SPG7: variants seen among roughly 807,000 people sequenced by gnomAD.
SPG7 encodes the protein mitochondrial inner membrane m-AAA protease component paraplegin.
In SPG7, 103 loss-of-function variants were observed where a neutral mutation model predicts 81.9. The observed-to-expected ratio is 1.26, with a 90% CI of 1.07 to 1.48. The LOEUF is 1.48. Ranked by LOEUF, SPG7 falls within the 40% of genes most tolerant of loss-of-function variation. The pLI is 0.00. For missense variants in SPG7, 1,241 were observed against 1,087.3 expected, an observed-to-expected ratio of 1.14 and a Z score of -1.99; for synonymous variants, 534 against 444.2, an observed-to-expected ratio of 1.20 and a Z score of -2.54.
chr16:89,532,722 A>T, intron 9 of SPG7, 86 bp downstream of exon 9: 2 of 1,517,614 alleles, frequency 1.3e-6, no homozygotes, highest in Non-Finnish European at 1.8e-6. Flanking sequence ...GTGAGCCAAG[A>T]TCGTGTCACT....
intron 13 of SPG7, chr16:89,551,393 T>C (rs1176512462): frequency 6.4e-6 from 1 of 155,042 alleles, no homozygotes; most frequent in African/African-American, 2.4e-5. Context: ...GTGTGAGTTG[T>C]AGCAAAGTTG....
intron 13 of SPG7, chr16:89,552,506 G>A (rs112132424): frequency 6.9e-5 from 14 of 201,722 alleles, no homozygotes; most frequent in Admixed American, 2.1e-4. Flanking sequence ...CCGTGTTGTC[G>A]AGTTAGCTCG....
rs746756159 is a variant in SPG7, at chr16:89,557,077, C to G, written c.2372C>G (p.Pro791Arg). Residue 791 changes from proline (P) to arginine (R), a missense_variant, in exon 17 of 17, where the codon CCG becomes CGG. By Grantham distance (103) the Pro-to-Arg change is moderately radical. Coordinates refer to ENST00000645818, the MANE Select transcript of SPG7 (RefSeq NM_003119.4). ...CAGCCTCCACTTGGAGGCGAAGAGCCGACTTGGCCCAAGTAGTTGGGAGGT... is the reference window on the plus strand; with the variant it reads ...CAGCCTCCACTTGGAGGCGAAGAGCGGACTTGGCCCAAGTAGTTGGGAGGT... ...TQQPPLGGEEPTWPK is the reference protein window; with the variant it reads ...TQQPPLGGEERTWPK 1.9e-6 allele frequency: 3 copies of G among 1,611,326 alleles called. No individual in the cohort carries two copies. The African/African-American group carries it at 4.0e-5, about 22-fold the overall frequency.
At chr16:89,531,084 T>C (rs2058335587) in intron 7 of SPG7, 1 of 545,874 alleles carries the variant, frequency 1.8e-6, no homozygotes, top group Non-Finnish European at 3.3e-6. Context: ...CAAAGCTCTG[T>C]GCTTTTTCCA....
chr16:89,540,897 G>T, intron 9 of SPG7: 1 of 985,198 alleles, frequency 1.0e-6, no homozygotes, highest in Middle Eastern at 5.2e-4. Context: ...AGTGACCCAG[G>T]TGCCATTCAG....
In SPG7 at chr16:89,550,500, C is replaced by T; in HGVS notation, c.1670C>T (p.Ala557Val). Residue 557 changes from alanine to valine, a missense_variant, in exon 13 of 17, where the codon GCC becomes GTC. Physicochemically the swap from Ala to Val is moderately conservative, Grantham distance 64. Coordinates refer to ENST00000645818, the MANE Select transcript of SPG7 (RefSeq NM_003119.4). Reference protein sequence around the residue: ...YAVERVLAGTAKKSKILSKEE... With the variant: ...YAVERVLAGTVKKSKILSKEE... The stretch of plus-strand genomic sequence containing the variant: ...TACCCCGGCATTCTTTCAGGGACTG[C>T]CAAAAAGAGCAAGATCCTGTCCAAG... The T allele has an allele frequency of 6.2e-7, 1 of 1,612,794 alleles. No individual in the cohort carries two copies. Among genetic ancestry groups the T allele is most frequent in the Non-Finnish European group, 8.5e-7 (1 of 1,179,358 alleles).
In SPG7 at chr16:89,548,023, T is replaced by C. The variant is rs2058586638; in HGVS notation, c.1573T>C (p.Cys525Arg). ...GFSGADIANI[C>R]NEAALHAARE... ...GACAGGGGCTGACATCGCCAACATC[T>C]GCAATGAGGCTGCGCTGCACGCGGC... is the stretch of plus-strand genomic sequence containing the variant. The change falls in exon 12 of 17, where the codon TGC becomes CGC. Residue 525 changes from cysteine to arginine, a missense_variant. Coordinates refer to ENST00000645818, the MANE Select transcript of SPG7 (RefSeq NM_003119.4). The C allele has an allele frequency of 1.2e-6, 2 of 1,612,832 alleles. No homozygotes were observed. Among genetic ancestry groups the C allele is most frequent in the Non-Finnish European group, 1.7e-6 (2 of 1,179,926 alleles).
At chr16:89,532,783 AATAGAAATGTAGCTTTC>A in intron 9 of SPG7, 147 bp downstream of exon 9, 1 of 978,796 alleles carries the variant, frequency 1.0e-6, no homozygotes, top group Non-Finnish European at 1.6e-6. Context: ...AAAAAAAAAA[AATAGAAATGTAGCTTTC>A]AGACCCGGCG....
intron 3 of SPG7, chr16:89,517,156 T>A (rs927436103): frequency 6.6e-6 from 1 of 152,378 alleles, no homozygotes; most frequent in Non-Finnish European, 1.5e-5. Context: ...AGGGAAGAAT[T>A]GTGTGGCCTG....
chr16:89,514,810 A>G (rs983392821), intron 3 of SPG7, among the ~76,000 whole-genome samples: 3 of 150,932 alleles, frequency 2.0e-5, no homozygotes, highest in South Asian at 2.1e-4. Flanking sequence ...CTTTTTGTAT[A>G]GTAGAGATGA....
At chr16:89,532,149 T>G in intron 8 of SPG7, 83 bp downstream of exon 8, 2 of 1,456,470 alleles carry the variant, frequency 1.4e-6, no homozygotes, top group Non-Finnish European at 1.9e-6. Flanking sequence ...GTGTCTGGAC[T>G]GAAAGGGACA....
At chr16:89,509,032 C>G (rs1461517293) in intron 1 of SPG7, 1 of 449,032 alleles carries the variant, frequency 2.2e-6, no homozygotes. Context: ...GTTTCTGTGT[C>G]CGCAAAATAC....
At chr16:89,556,492 C>A (rs992255026) in intron 16 of SPG7, 6 of 307,144 alleles carry the variant, frequency 2.0e-5, no homozygotes, top group Non-Finnish European at 3.7e-5. Flanking sequence ...ACTTCCCCAA[C>A]TTGAGAGGTC....
intron 16 of SPG7, chr16:89,555,084 C>CT (rs1429443142): frequency 0.052 from 6,819 of 130,288 alleles, 301 homozygotes; most frequent in African/African-American, 0.13. Context: ...CTCGGCTTTT[C>CT]TTTTTTTTTT....
chr16:89,536,164 G>GGTGCTGTGTGTCCTTCACTGTGGCCT (rs1567918464), intron 9 of SPG7, among the ~76,000 whole-genome samples: 3 of 26,436 alleles, frequency 1.1e-4, no homozygotes, highest in East Asian at 2.0e-3. Flanking sequence ...CAGTGTGGCC[G>GGTGCTGTGTGTCCTTCACTGTGGCCT]CTCTGGTGCT....
chr16:89,548,802 T>C (rs951574644), intron 12 of SPG7: 8 of 386,200 alleles, frequency 2.1e-5, no homozygotes, highest in East Asian at 1.5e-4. Flanking sequence ...AGTCATCTCA[T>C]GGAATGGAGT....
At chr16:89,513,093 C>T in intron 3 of SPG7, 56 bp downstream of exon 3, 2 of 1,551,798 alleles carry the variant, frequency 1.3e-6, no homozygotes, top group Non-Finnish European at 1.7e-6. Flanking sequence ...CTTTACATTT[C>T]TGTTTTCCTT....
At chr16:89,556,423 C>A in intron 16 of SPG7, 1 of 293,948 alleles carries the variant, frequency 3.4e-6, no homozygotes. Flanking sequence ...GGTCCACCGG[C>A]ACAGGACAGT....
At position 89,508,523 on chromosome 16, in the gene SPG7, A is replaced by G; in HGVS notation, c.106A>G (p.Arg36Gly). The G allele has an allele frequency of 6.6e-7, 1 of 1,513,068 alleles. No homozygotes were observed. The highest frequency in any genetic ancestry group is 2.0e-5 in the Admixed American group (1 of 48,880). 93.7% of individuals were successfully genotyped at this position (1,513,068 alleles called of 1,614,324 possible). ...GPAWSPGFPA[R>G]PGRGRPYMAS... Reference sequence around the variant, plus strand: ...GGCCTGGAGTCCAGGGTTCCCCGCCAGGCCCGGGAGGGGGCGGCCGTACAT... The same window carrying G: ...GGCCTGGAGTCCAGGGTTCCCCGCCGGGCCCGGGAGGGGGCGGCCGTACAT... The change falls in exon 1 of 17, where the codon AGG (arginine) becomes GGG (glycine). Residue 36 changes from arginine (R) to glycine (G), a missense_variant. Physicochemically the swap from Arg to Gly is moderately radical, Grantham distance 125 (BLOSUM62 -2). Coordinates refer to ENST00000645818, the MANE Select transcript of SPG7 (RefSeq NM_003119.4).
Sources: allele counts gnomAD v4.1 joint callset (sites outside exome capture counted in the v4.1 genomes callset), GRCh38; gene constraint gnomAD v4.1.1; transcripts MANE v1.5; gene names NCBI Gene and HGNC (gene_info 2026-07-23, HGNC 2026-07-21).